CDH4: variants seen among roughly 807,000 people sequenced by gnomAD.
The protein encoded by CDH4 is cadherin 4.
A neutral mutation model predicts 86.0 loss-of-function variants in CDH4; 33 were observed. That is an observed-to-expected ratio of 0.38 (90% confidence interval 0.29 to 0.51). CDH4 has a LOEUF of 0.51. Ranked by LOEUF, CDH4 falls within the 20% of genes least tolerant of loss-of-function variation. CDH4 has a pLI of 0.86. For synonymous variants in CDH4, 555 were observed against 549.4 expected, an observed-to-expected ratio of 1.01 and a Z score of -0.14; for missense variants, 1,114 against 1,307.4, an observed-to-expected ratio of 0.85 and a Z score of 2.28.
intron 6 of CDH4, among the ~76,000 whole-genome samples, chr20:61,855,135 A>T (rs1406830366): frequency 2.2e-5 from 3 of 135,416 alleles, no homozygotes; most frequent in African/African-American, 8.7e-5. Context: ...GAACAGGGTG[A>T]ATTGTGCCCT....
chr20:61,610,295 C>T (rs566347537), intron 2 of CDH4, among the ~76,000 whole-genome samples: 14 of 152,310 alleles, frequency 9.2e-5, no homozygotes, highest in South Asian at 6.2e-4. Flanking sequence ...AAATGACCTC[C>T]GGTTCCATCC....
intron 2 of CDH4, among the ~76,000 whole-genome samples, chr20:61,603,284 G>C (rs1162077612): frequency 1.3e-5 from 2 of 152,160 alleles, no homozygotes; most frequent in East Asian, 3.9e-4. Flanking sequence ...GGAATGGTGA[G>C]TGTCATGGAG....
intron 2 of CDH4, among the ~76,000 whole-genome samples, chr20:61,487,912 G>A (rs994184943): frequency 6.6e-6 from 1 of 152,182 alleles, no homozygotes; most frequent in African/African-American, 2.4e-5. Flanking sequence ...TACAAACTGA[G>A]GTCAGCTCTT....
intron 2 of CDH4, among the ~76,000 whole-genome samples, chr20:61,605,515 G>C (rs2086637319): frequency 6.7e-6 from 1 of 148,322 alleles, no homozygotes; most frequent in Non-Finnish European, 1.5e-5. Context: ...CTCCCTTTCT[G>C]TCTCTCCCTT....
chr20:61,296,272 T>TGC (rs147618869), intron 2 of CDH4, among the ~76,000 whole-genome samples: 1 of 6,694 alleles, frequency 1.5e-4, no homozygotes, highest in Non-Finnish European at 1.0e-3. Flanking sequence ...CGTGTGTGTG[T>TGC]GTGCGTGGGT....
chr20:61,572,924 A>G (rs2086353299), intron 2 of CDH4, among the ~76,000 whole-genome samples: 2 of 150,300 alleles, frequency 1.3e-5, no homozygotes, highest in Admixed American at 1.3e-4. Context: ...AGATGAATGG[A>G]TGGATGGGTA....
At chr20:61,447,323 A>ATTTTTTTTTTTTTTT (rs71331923) in intron 2 of CDH4, among the ~76,000 whole-genome samples, 7 of 110,858 alleles carry the variant, frequency 6.3e-5, no homozygotes, top group Non-Finnish European at 1.2e-4. Flanking sequence ...CGCCCAGCTG[A>ATTTTTTTTTTTTTTT]TTTTTTTTTT....
chr20:61,624,661 G>C (rs1023381472), intron 2 of CDH4, among the ~76,000 whole-genome samples: 1 of 152,228 alleles, frequency 6.6e-6, no homozygotes, highest in Admixed American at 6.5e-5. Flanking sequence ...AGTCAACTTC[G>C]AGGGCAAAAA....
intron 7 of CDH4, among the ~76,000 whole-genome samples, chr20:61,874,762 T>C (rs1478300742): frequency 1.3e-5 from 2 of 152,216 alleles, no homozygotes. Flanking sequence ...GTTTGCACTG[T>C]GCCCACAGAG....
At chr20:61,301,462 C>A (rs927580340) in intron 2 of CDH4, among the ~76,000 whole-genome samples, 1 of 152,150 alleles carries the variant, frequency 6.6e-6, no homozygotes, top group African/African-American at 2.4e-5. Flanking sequence ...TGGGGCAGAC[C>A]CTTCTGTTGA....
At chr20:61,515,166 C>T (rs561277252) in intron 2 of CDH4, among the ~76,000 whole-genome samples, 73 of 152,372 alleles carry the variant, frequency 4.8e-4, no homozygotes, top group African/African-American at 1.6e-3. Context: ...AATTGAAAAG[C>T]TTTAACATCT....
chr20:61,836,854 T>C (rs1482942522), intron 4 of CDH4, among the ~76,000 whole-genome samples: 2 of 152,200 alleles, frequency 1.3e-5, no homozygotes, highest in South Asian at 2.1e-4. Flanking sequence ...TCACTTTCCA[T>C]TGAAGTAAAG....
At chr20:61,415,468 C>T (rs1344013518) in intron 2 of CDH4, among the ~76,000 whole-genome samples, 2 of 152,090 alleles carry the variant, frequency 1.3e-5, no homozygotes, top group African/African-American at 4.8e-5. Flanking sequence ...GGCCACTGTC[C>T]ATCTCCAGAA....
Position 61,652,465 on chromosome 20 carries a change from C to T in CDH4, c.170-91098C>T, listed in dbSNP as rs190008046. Among the ~76,000 whole-genome samples, 11 of 152,292 alleles carry T rather than the reference C, an allele frequency of 7.2e-5. No homozygotes were observed. The East Asian group carries it at 7.7e-4, about 11-fold the overall frequency. On this transcript the variant is annotated intron_variant, in intron 2 of 15. Coordinates refer to ENST00000614565, the MANE Select transcript of CDH4 (RefSeq NM_001794.5). The stretch of plus-strand genomic sequence containing the variant: ...ATGAGATAACTGTCGTCTATTTAAG[C>T]GTCCTTTATGACGGTTGGCTGAGTT...
intron 2 of CDH4, among the ~76,000 whole-genome samples, chr20:61,487,273 G>A (rs932892454): frequency 3.9e-5 from 6 of 152,230 alleles, no homozygotes; most frequent in South Asian, 2.1e-4. Flanking sequence ...TCTGTTCTGC[G>A]GGGGAAGGGG....
chr20:61,592,472 G>A (rs1023366368), intron 2 of CDH4, among the ~76,000 whole-genome samples: 1 of 121,418 alleles, frequency 8.2e-6, no homozygotes, highest in African/African-American at 3.1e-5. Context: ...CAATTCATAT[G>A]CCTTAAAATT....
At chr20:61,820,678 C>A (rs1980972735) in intron 4 of CDH4, among the ~76,000 whole-genome samples, 1 of 152,182 alleles carries the variant, frequency 6.6e-6, no homozygotes. Flanking sequence ...TGTTCTTGCC[C>A]TCGCAGCCCC....
intron 2 of CDH4, among the ~76,000 whole-genome samples, chr20:61,636,452 A>T (rs910752963): frequency 6.6e-6 from 1 of 152,238 alleles, no homozygotes; most frequent in Non-Finnish European, 1.5e-5. Context: ...TTAAATGAGG[A>T]TCTTTGCTTG....
At chr20:61,732,868 A>G (rs2088210368) in intron 2 of CDH4, among the ~76,000 whole-genome samples, 1 of 152,210 alleles carries the variant, frequency 6.6e-6, no homozygotes, top group South Asian at 2.1e-4. Flanking sequence ...TTGATGTCTC[A>G]GGTAGTCTTG....
Sources: allele counts gnomAD v4.1 joint callset (sites outside exome capture counted in the v4.1 genomes callset), GRCh38; gene constraint gnomAD v4.1.1; transcripts MANE v1.5; gene names NCBI Gene and HGNC (gene_info 2026-07-23, HGNC 2026-07-21).